CDH13: variants seen among roughly 807,000 people sequenced by gnomAD.
CDH13 encodes the protein cadherin-13.
A neutral mutation model predicts 63.8 loss-of-function variants in CDH13; 24 were observed. That is an observed-to-expected ratio of 0.38 (90% CI 0.27 to 0.53). The LOEUF is 0.53. Among genes scored for constraint, CDH13 ranks in the 20% least tolerant of loss-of-function variants. CDH13 has a pLI of 0.85. For synonymous variants in CDH13, 503 were observed against 355.3 expected (o/e 1.42, Z -4.67); for missense variants, 1,049 against 903.1 (o/e 1.16, Z -2.07).
At chr16:82,705,875 C>A (rs1036852462) in intron 1 of CDH13, among the ~76,000 whole-genome samples, 3 of 152,132 alleles carry the variant, frequency 2.0e-5, no homozygotes, top group Non-Finnish European at 4.4e-5. Context: ...GGGGTAGATG[C>A]TTTTACAACA....
rs868193106 is a variant in CDH13 at position 83,472,957 on chromosome 16, G to A, written c.782-13520G>A. On this transcript the variant is annotated intron_variant, in intron 6 of 13. Transcript: ENST00000567109. ...TACATCTGTCAGTTCTGACATCCAC[G>A]GTGGAGAGAAATGAATCCTGCCAAA... 1.9e-4 allele frequency among the ~76,000 whole-genome samples: 29 copies of A among 152,222 alleles called. 1 individual carries two copies. The Middle Eastern group carries it at 0.01, about 54-fold the overall frequency.
At chr16:82,669,239 G>C (rs1460314641) in intron 1 of CDH13, among the ~76,000 whole-genome samples, 1 of 152,214 alleles carries the variant, frequency 6.6e-6, no homozygotes, top group Admixed American at 6.5e-5. Context: ...CATTGGGTCA[G>C]CATGTTAGAT....
intron 5 of CDH13, among the ~76,000 whole-genome samples, chr16:83,291,271 A>T (rs1316706727): frequency 6.6e-6 from 1 of 152,208 alleles, no homozygotes; most frequent in African/African-American, 2.4e-5. Context: ...AATTCTGGTT[A>T]GAGGTCACGT....
At position 83,116,112 on chromosome 16, in the gene CDH13, T is replaced by C. The variant is rs561118693; in HGVS notation, c.367-9273T>C. ...GGAAAGGGGCAGGGACAGACAAAAC[T>C]TGGAGTGCGGTCCCAGCTGTAGAAT... On this transcript the variant is annotated intron_variant, in intron 3 of 13. Transcript: ENST00000567109. Among the ~76,000 whole-genome samples, 5 of 152,294 alleles carry C rather than the reference T, an allele frequency of 3.3e-5. No homozygotes were observed. In the South Asian group the frequency reaches 1.0e-3, roughly 32 times the overall value.
At chr16:82,870,153 C>G (rs537052449) in intron 2 of CDH13, among the ~76,000 whole-genome samples, 6 of 151,784 alleles carry the variant, frequency 4.0e-5, no homozygotes, top group Non-Finnish European at 7.4e-5. Context: ...TAAAAATGGG[C>G]GAAAGATATG....
intron 6 of CDH13, among the ~76,000 whole-genome samples, chr16:83,469,579 G>A (rs949927693): frequency 2.6e-5 from 4 of 152,080 alleles, no homozygotes; most frequent in Non-Finnish European, 4.4e-5. Flanking sequence ...TTGATCATGG[G>A]TTTTTGTCTA....
chr16:83,440,213 T>A (rs535693384), intron 6 of CDH13, among the ~76,000 whole-genome samples: 15 of 152,330 alleles, frequency 9.8e-5, no homozygotes, highest in African/African-American at 3.6e-4. Context: ...TAGATGTGGG[T>A]CACAGAGTTG....
intron 11 of CDH13, among the ~76,000 whole-genome samples, chr16:83,767,532 T>C (rs767493273): frequency 6.6e-6 from 1 of 152,208 alleles, no homozygotes; most frequent in Non-Finnish European, 1.5e-5. Context: ...TATATCTTTA[T>C]TAGCAGTATG....
chr16:82,627,613 G>A (rs1032346797), intron 1 of CDH13, among the ~76,000 whole-genome samples: 3 of 152,164 alleles, frequency 2.0e-5, no homozygotes, highest in East Asian at 3.9e-4. Flanking sequence ...TGGAGAGGCC[G>A]AGCAGGCACC....
rs139070637 is a variant in CDH13 at position 83,199,188 on chromosome 16, C to T, written c.484-18157C>T. On this transcript the variant is annotated intron_variant, in intron 4 of 13. Transcript: ENST00000567109. ...ATCTCATGCATGGGCCAGGGACGTG[C>T]CTTGTGACAGTTAGCACCCACGGTG... 1.1e-3 allele frequency among the ~76,000 whole-genome samples: 164 copies of T among 152,304 alleles called. 1 individual carries two copies. Among genetic ancestry groups the T allele is most frequent in the African/African-American group, 3.8e-3 (158 of 41,566 alleles).
At chr16:83,390,646 C>G (rs2091768689) in intron 6 of CDH13, among the ~76,000 whole-genome samples, 1 of 152,096 alleles carries the variant, frequency 6.6e-6, no homozygotes, top group African/African-American at 2.4e-5. Flanking sequence ...TCTCCCCACC[C>G]CAACAGCCAT....
In CDH13 at chr16:83,342,843, GTTTTTTTTTT is replaced by G. The variant is rs778316746; in HGVS notation, c.637-2004_637-1995del. ...TTAGGCACAGTGTTTTTTTGTTTCT[GTTTTTTTTTT>G]TTTTTTTTTTTTTTGGTTGAGTTAA... On this transcript the variant is annotated intron_variant, in intron 5 of 13. Coordinates refer to ENST00000567109, the MANE Select transcript of CDH13 (RefSeq NM_001257.5). Among the ~76,000 whole-genome samples, 15 of 65,322 alleles carry G rather than the reference GTTTTTTTTTT, an allele frequency of 2.3e-4. No homozygotes were observed. The Admixed American group carries it at 2.3e-3, about 10-fold the overall frequency. 42.9% of individuals were successfully genotyped at this position (65,322 alleles called of 152,430 possible). A position where few individuals can be genotyped will look rare whatever the true frequency, so the allele number is the denominator to read the frequency against.
chr16:83,250,315 C>T (rs778821521), intron 5 of CDH13, among the ~76,000 whole-genome samples: 2 of 152,052 alleles, frequency 1.3e-5, no homozygotes, highest in African/African-American at 2.4e-5. Flanking sequence ...TGATTTATGC[C>T]AGCCACCGTT....
At chr16:83,481,412 C>A (rs1424383007) in intron 6 of CDH13, among the ~76,000 whole-genome samples, 2 of 152,152 alleles carry the variant, frequency 1.3e-5, no homozygotes, top group Non-Finnish European at 2.9e-5. Flanking sequence ...AGCTGAAAAC[C>A]CCCCGTCACT....
At chr16:83,480,695 T>G (rs17685891) in intron 6 of CDH13, among the ~76,000 whole-genome samples, 17,325 of 152,202 alleles carry the variant, frequency 0.11, 1,078 homozygotes, top group Non-Finnish European at 0.14. Context: ...CATTCTGGTT[T>G]GCCCAGGAGT....
At chr16:82,818,738 C>T (rs965407578) in intron 1 of CDH13, among the ~76,000 whole-genome samples, 12 of 152,156 alleles carry the variant, frequency 7.9e-5, no homozygotes, top group Admixed American at 3.9e-4. Context: ...ACAGGCATCT[C>T]TCGGCAGCAT....
intron 7 of CDH13, among the ~76,000 whole-genome samples, chr16:83,534,582 G>C (rs1301648226): frequency 3.3e-5 from 5 of 152,170 alleles, no homozygotes; most frequent in Non-Finnish European, 7.4e-5. Context: ...TTTGCGATTG[G>C]CCCCTGTCAC....
chr16:82,666,456 C>G (rs1027354278), intron 1 of CDH13, among the ~76,000 whole-genome samples: 1 of 152,190 alleles, frequency 6.6e-6, no homozygotes, highest in Non-Finnish European at 1.5e-5. Flanking sequence ...CACATGGAGA[C>G]CCATACTTGA....
intron 3 of CDH13, among the ~76,000 whole-genome samples, chr16:83,093,571 C>T (rs532695787): frequency 3.1e-4 from 47 of 152,056 alleles, no homozygotes; most frequent in African/African-American, 1.0e-3. Flanking sequence ...CCACCTACCT[C>T]GGCCTCCCAA....
Sources: gnomAD v4.1 joint callset for allele counts (sites outside exome capture counted in the v4.1 genomes callset) on GRCh38, gnomAD v4.1.1 for gene constraint, MANE v1.5 for transcripts, NCBI Gene and HGNC (gene_info 2026-07-23, HGNC 2026-07-21) for gene names.